NEDD9: variants seen among roughly 807,000 people sequenced by gnomAD.
NEDD9 encodes the protein neural precursor cell expressed, developmentally down-regulated 9, also known as enhancer of filamentation 1.
A neutral mutation model predicts 76.6 loss-of-function variants in NEDD9; 26 were observed. The ratio of observed to expected loss-of-function variants is 0.34; its 90% CI spans 0.25 to 0.47. The LOEUF is 0.47. Among genes scored for constraint, NEDD9 ranks in the 20% least tolerant of loss-of-function variants. The probability of loss-of-function intolerance (pLI) is 1.00; values close to 1 mark genes in which losing one functional copy is unlikely to be tolerated. For missense variants in NEDD9, 937 were observed against 1,058.5 expected (o/e 0.89, Z 1.59); for synonymous variants, 392 against 414.2 (o/e 0.95, Z 0.65).
chr6:11,225,341 G>T (rs1759278699), intron 1 of NEDD9, among the ~76,000 whole-genome samples: 1 of 152,132 alleles, frequency 6.6e-6, no homozygotes, highest in Non-Finnish European at 1.5e-5. Flanking sequence ...GCAAGACTGA[G>T]ATTTGCAAAG....
chr6:11,282,974 G>T (rs1561815715), intron 3 of NEDD9, among the ~76,000 whole-genome samples: 2 of 152,186 alleles, frequency 1.3e-5, no homozygotes, highest in South Asian at 2.1e-4. Flanking sequence ...TTGGCCTTTG[G>T]ATGCCTCTCC....
intron 1 of NEDD9, among the ~76,000 whole-genome samples, chr6:11,359,993 G>T (rs115979673): frequency 0.011 from 1,627 of 152,336 alleles, 20 homozygotes; most frequent in African/African-American, 0.037. Context: ...AAAGGAGGAT[G>T]TTTGATGAGC....
intron 3 of NEDD9, among the ~76,000 whole-genome samples, chr6:11,238,561 C>T (rs1425425172): frequency 6.6e-6 from 1 of 152,228 alleles, no homozygotes; most frequent in Admixed American, 6.5e-5. Context: ...ACGTTGGAGC[C>T]TGTGCGTATG....
chr6:11,186,060 G>T (rs1757974194), intron 6 of NEDD9, among the ~76,000 whole-genome samples: 1 of 152,076 alleles, frequency 6.6e-6, no homozygotes, highest in African/African-American at 2.4e-5. Context: ...GGTGGCAAGG[G>T]AAAACCAAAT....
rs184704646 is a variant in NEDD9, at chr6:11,365,236, T to C, written c.-214+16903A>G. Among the ~76,000 whole-genome samples the C allele has an allele frequency of 2.8e-3, 426 of 152,318 alleles. 3 individuals carry two copies. Among genetic ancestry groups the C allele is most frequent in the South Asian group, 0.028 (134 of 4,824 alleles). The stretch of plus-strand genomic sequence containing the variant: ...TGCAGAAACATCCCGTTTCTTTCCA[T>C]TGAGGAAACCAAGTGACCCCAACAT... On this transcript the variant is annotated intron_variant, in intron 1 of 3. Coordinates refer to the NEDD9 transcript ENST00000397378.
chr6:11,224,801 G>A (rs1294238162), intron 1 of NEDD9, among the ~76,000 whole-genome samples: 1 of 152,116 alleles, frequency 6.6e-6, no homozygotes. Flanking sequence ...CATTCTTAAA[G>A]AGTCCTCTAG....
intron 3 of NEDD9, among the ~76,000 whole-genome samples, chr6:11,299,394 C>G (rs996727318): frequency 6.6e-6 from 1 of 152,256 alleles, no homozygotes; most frequent in Non-Finnish European, 1.5e-5. Context: ...GTAAGGCCTA[C>G]TACTTCTACA....
At position 11,232,387 on chromosome 6, in the gene NEDD9, T is replaced by A. The variant is rs956782849; in HGVS notation, c.12+117A>T. The A allele has an allele frequency of 2.1e-5, 27 of 1,314,716 alleles. No homozygotes were observed. The African/African-American group carries it at 3.8e-4, about 18-fold the overall frequency. 81.4% of individuals were successfully genotyped at this position (1,314,716 alleles called of 1,614,324 possible). ...TGTCAACCTCAGTGACCGAGACTCA[T>A]CTTAGAACTCTCCGGGACACACAAG... On this transcript the variant is annotated intron_variant, in intron 1 of 6. Coordinates refer to ENST00000379446, the MANE Select transcript of NEDD9 (RefSeq NM_006403.4).
chr6:11,324,454 G>A (rs567726416), intron 2 of NEDD9, among the ~76,000 whole-genome samples: 6 of 152,266 alleles, frequency 3.9e-5, no homozygotes, highest in South Asian at 4.1e-4. Context: ...GCCACCCCAC[G>A]TGCAGGGCCA....
intron 2 of NEDD9, among the ~76,000 whole-genome samples, chr6:11,306,517 A>G (rs904576073): frequency 3.3e-5 from 5 of 152,212 alleles, no homozygotes; most frequent in Admixed American, 1.3e-4. Context: ...AGATGGGTAG[A>G]CGTTTGCCAG....
intron 3 of NEDD9, among the ~76,000 whole-genome samples, chr6:11,303,661 C>G (rs1388169440): frequency 1.3e-5 from 2 of 152,122 alleles, no homozygotes; most frequent in African/African-American, 4.8e-5. Flanking sequence ...CATCACACAT[C>G]TACAACCATC....
chr6:11,291,291 T>C (rs1403099415), intron 3 of NEDD9, among the ~76,000 whole-genome samples: 7 of 147,526 alleles, frequency 4.7e-5, no homozygotes, highest in African/African-American at 1.8e-4. Context: ...TTTTTTTTTT[T>C]TGAGACGGAG....
At chr6:11,267,832 G>A (rs1372452450) in intron 3 of NEDD9, among the ~76,000 whole-genome samples, 1 of 151,972 alleles carries the variant, frequency 6.6e-6, no homozygotes, top group Non-Finnish European at 1.5e-5. Context: ...TATATCTAAG[G>A]CTTATAATAG....
chr6:11,288,138 A>G (rs761833777), intron 3 of NEDD9, among the ~76,000 whole-genome samples: 5 of 152,134 alleles, frequency 3.3e-5, no homozygotes, highest in African/African-American at 4.8e-5. Flanking sequence ...TTGACTTTAT[A>G]TGTGGCTCAG....
intron 1 of NEDD9, among the ~76,000 whole-genome samples, chr6:11,368,611 A>T (rs1215085411): frequency 6.6e-6 from 1 of 152,228 alleles, no homozygotes; most frequent in Non-Finnish European, 1.5e-5. Context: ...AGCTAACTTT[A>T]AAAAACCCTC....
intron 3 of NEDD9, among the ~76,000 whole-genome samples, chr6:11,259,690 C>T (rs1760070369): frequency 6.6e-6 from 1 of 152,098 alleles, no homozygotes; most frequent in South Asian, 2.1e-4. Context: ...TCATTCACTT[C>T]CCTTGGAGTT....
At chr6:11,228,221 C>T (rs903657693) in intron 1 of NEDD9, among the ~76,000 whole-genome samples, 6 of 152,024 alleles carry the variant, frequency 3.9e-5, no homozygotes, top group African/African-American at 1.4e-4. Flanking sequence ...GTCATAAAAG[C>T]ACGAAAGTGG....
chr6:11,355,967 C>T (rs1016859773), intron 1 of NEDD9, among the ~76,000 whole-genome samples: 4 of 152,134 alleles, frequency 2.6e-5, no homozygotes, highest in Admixed American at 6.5e-5. Context: ...GTGATCTGCC[C>T]ACCTTGGCCT....
In NEDD9 at chr6:11,277,577, C is replaced by T. The variant is rs777050789; in HGVS notation, c.12+28415G>A. 6.6e-5 allele frequency among the ~76,000 whole-genome samples: 10 copies of T among 152,190 alleles called. No homozygotes were observed. The East Asian group carries it at 1.5e-3, about 24-fold the overall frequency. ...GTGAGAAAAGGCTCAGAGAGCAGCG[C>T]GAACTAGTCCACAGGGATGAGGCAC... On this transcript the variant is annotated intron_variant, in intron 3 of 3. Transcript: ENST00000397378.
Sources: gnomAD v4.1 joint callset for allele counts (sites outside exome capture counted in the v4.1 genomes callset) on GRCh38, gnomAD v4.1.1 for gene constraint, MANE v1.5 for transcripts, NCBI Gene and HGNC (gene_info 2026-07-23, HGNC 2026-07-21) for gene names.